The following LRMDA variants were observed in gnomAD, a reference collection of about 807,000 sequenced individuals.
LRMDA encodes the protein leucine-rich melanocyte differentiation-associated protein.
A neutral mutation model predicts 29.8 loss-of-function variants in LRMDA; 18 were observed. That is an observed-to-expected ratio of 0.60 (90% confidence interval 0.42 to 0.90). The LOEUF is 0.90. Among genes scored for constraint, LRMDA ranks in the 40% least tolerant of loss-of-function variants. The probability of loss-of-function intolerance (pLI) is 0.00; values close to 1 mark genes in which losing one functional copy is unlikely to be tolerated. For synonymous variants in LRMDA, 125 were observed against 109.4 expected (o/e 1.14, Z -0.89); for missense variants, 273 against 273.9 (o/e 1.00, Z 0.02).
intron 2 of LRMDA, among the ~76,000 whole-genome samples, chr10:75,967,946 C>A (rs767409522): frequency 3.9e-5 from 6 of 152,162 alleles, no homozygotes; most frequent in Non-Finnish European, 8.8e-5. Flanking sequence ...AGACCCCCTT[C>A]CACTCCCTAC....
chr10:75,862,934 G>C (rs1323076), intron 2 of LRMDA, among the ~76,000 whole-genome samples: 85,318 of 151,848 alleles, frequency 0.56, 24,474 homozygotes, highest in East Asian at 0.8. Flanking sequence ...TTCATCGTCA[G>C]ACCAGGGCAT....
intron 2 of LRMDA, among the ~76,000 whole-genome samples, chr10:75,927,615 G>C (rs572148991): frequency 3.9e-4 from 59 of 152,210 alleles, no homozygotes; most frequent in Non-Finnish European, 7.8e-4. Context: ...TGAGGTAAGG[G>C]AATAAGACAC....
intron 2 of LRMDA, among the ~76,000 whole-genome samples, chr10:75,997,617 G>T (rs1156696600): frequency 6.6e-6 from 1 of 152,170 alleles, no homozygotes; most frequent in African/African-American, 2.4e-5. Flanking sequence ...ATTTGATGGT[G>T]GGAAAACTGA....
chr10:75,915,120 CTTTTTTTTTTTTTTTT>C (rs71024579), intron 2 of LRMDA, among the ~76,000 whole-genome samples: 2 of 75,240 alleles, frequency 2.7e-5, no homozygotes, highest in South Asian at 5.8e-4. Context: ...GTCTAACCTT[CTTTTTTTTTTTTTTTT>C]TTTTTTTTTT....
chr10:76,492,138 A>C (rs1418850313), intron 6 of LRMDA, among the ~76,000 whole-genome samples: 1 of 152,014 alleles, frequency 6.6e-6, no homozygotes, highest in Non-Finnish European at 1.5e-5. Flanking sequence ...CGAAACAGCT[A>C]TTTTGAATTC....
At chr10:76,212,957 A>G (rs1352180311) in intron 5 of LRMDA, among the ~76,000 whole-genome samples, 6 of 152,198 alleles carry the variant, frequency 3.9e-5, no homozygotes, top group Non-Finnish European at 8.8e-5. Context: ...AAGGCCACAC[A>G]TCTGACTTCC....
At chr10:76,431,743 C>T (rs1433280276) in intron 6 of LRMDA, among the ~76,000 whole-genome samples, 1 of 152,074 alleles carries the variant, frequency 6.6e-6, no homozygotes, top group Non-Finnish European at 1.5e-5. Context: ...GGTTGTGTCC[C>T]CACCTAATTC....
At chr10:76,458,063 A>G (rs1842475045) in intron 6 of LRMDA, among the ~76,000 whole-genome samples, 1 of 150,106 alleles carries the variant, frequency 6.7e-6, no homozygotes, top group Admixed American at 6.7e-5. Context: ...ATAGAAATGC[A>G]TCATTTTTTA....
chr10:75,999,213 G>T (rs1847520923), intron 2 of LRMDA, among the ~76,000 whole-genome samples: 1 of 152,204 alleles, frequency 6.6e-6, no homozygotes, highest in South Asian at 2.1e-4. Context: ...CCAGGAAGGG[G>T]CCTGACAATT....
At chr10:75,547,508 C>T (rs146216646) in intron 2 of LRMDA, among the ~76,000 whole-genome samples, 1 of 152,304 alleles carries the variant, frequency 6.6e-6, no homozygotes, top group East Asian at 1.9e-4. Context: ...CACACAATGG[C>T]CAAAACCACT....
At chr10:76,327,092 C>CTTTT (rs35683783) in intron 6 of LRMDA, among the ~76,000 whole-genome samples, 13 of 134,986 alleles carry the variant, frequency 9.6e-5, no homozygotes, top group East Asian at 6.5e-4. Context: ...TCCAAATCAT[C>CTTTT]TTTTTTTTTT....
intron 5 of LRMDA, among the ~76,000 whole-genome samples, chr10:76,066,893 A>T (rs1385086272): frequency 3.9e-5 from 6 of 152,158 alleles, no homozygotes; most frequent in Admixed American, 1.3e-4. Flanking sequence ...TGGGAGAGGG[A>T]GCCTTAGAGC....
chr10:75,461,468 A>T (rs556908668), intron 2 of LRMDA, among the ~76,000 whole-genome samples: 17 of 152,232 alleles, frequency 1.1e-4, no homozygotes, highest in Non-Finnish European at 1.8e-4. Context: ...GGAAGGTGAG[A>T]GAGACCTGCC....
At chr10:76,459,115 A>G (rs927120276) in intron 6 of LRMDA, among the ~76,000 whole-genome samples, 2 of 152,186 alleles carry the variant, frequency 1.3e-5, no homozygotes, top group South Asian at 4.1e-4. Context: ...AAGCTTGTCT[A>G]TGCCTGCTAA....
intron 2 of LRMDA, among the ~76,000 whole-genome samples, chr10:75,592,744 A>G (rs986012192): frequency 6.6e-6 from 1 of 152,244 alleles, no homozygotes; most frequent in Non-Finnish European, 1.5e-5. Flanking sequence ...AGCGAGGAAA[A>G]TTGAGGATGG....
At chr10:76,024,689 T>C (rs1375533381) in intron 2 of LRMDA, among the ~76,000 whole-genome samples, 2 of 152,194 alleles carry the variant, frequency 1.3e-5, no homozygotes, top group African/African-American at 4.8e-5. Context: ...GGCAAGTATT[T>C]GATTAGGGGC....
intron 2 of LRMDA, among the ~76,000 whole-genome samples, chr10:75,613,723 A>G (rs1841063852): frequency 6.6e-6 from 1 of 152,218 alleles, no homozygotes; most frequent in Admixed American, 6.5e-5. Context: ...GGGAGATGTT[A>G]GCAAACCACT....
At chr10:75,455,591 T>A (rs141938368) in intron 2 of LRMDA, among the ~76,000 whole-genome samples, 2 of 152,264 alleles carry the variant, frequency 1.3e-5, no homozygotes, top group Non-Finnish European at 2.9e-5. Context: ...GTGAGTGGCA[T>A]TGGGGAGCTA....
At chr10:76,156,972 T>A (rs1850549397) in intron 5 of LRMDA, among the ~76,000 whole-genome samples, 1 of 151,876 alleles carries the variant, frequency 6.6e-6, no homozygotes, top group Admixed American at 6.6e-5. Context: ...CCTGGAGGAG[T>A]GTGTAATGCA....
Sources: gnomAD v4.1 joint callset for allele counts (sites outside exome capture counted in the v4.1 genomes callset) on GRCh38, gnomAD v4.1.1 for gene constraint, MANE v1.5 for transcripts, NCBI Gene and HGNC (gene_info 2026-07-23, HGNC 2026-07-21) for gene names.